Variants in LRRC9 observed in about 807,000 individuals in gnomAD.
LRRC9 encodes leucine rich repeat containing 9.
LRRC9 carries 122 observed loss-of-function variants against 63.2 expected under a neutral mutation model. That is an observed-to-expected ratio of 1.93 (90% CI 1.67 to 2.24). The LOEUF is 2.24. LRRC9 is among the 30% of genes most tolerant of loss of function. The pLI is 0.00. For missense variants in LRRC9, 1,071 were observed against 627.7 expected, an observed-to-expected ratio of 1.71 and a Z score of -7.55; for synonymous variants, 366 against 213.1, an observed-to-expected ratio of 1.72 and a Z score of -6.25.
Position 60,017,538 on chromosome 14 carries a change from A to G in LRRC9, c.3317+748A>G, listed in dbSNP as rs1890789505. Among the ~76,000 whole-genome samples, 1 of 152,122 alleles carries G rather than the reference A, an allele frequency of 6.6e-6. No homozygotes were observed. The highest frequency in any genetic ancestry group is 2.1e-4 in the South Asian group (1 of 4,828). ...ATGATAGAGATGCTAACTCTATCACAGCAATTCTCCTCTTTATTTTTATTT... is the reference window on the plus strand; with the variant it reads ...ATGATAGAGATGCTAACTCTATCACGGCAATTCTCCTCTTTATTTTTATTT... On this transcript the variant is annotated intron_variant, in intron 24 of 31. Transcript: ENST00000445360. This position sits in a 1 kb window ranked among gnomAD's most constrained non-coding sequence, Gnocchi z 4.0.
intron 29 of LRRC9, among the ~76,000 whole-genome samples, chr14:60,036,036 T>A (rs1484592401): frequency 6.6e-6 from 1 of 152,106 alleles, no homozygotes; most frequent in Non-Finnish European, 1.5e-5. Context: ...TTGCAGATAG[T>A]TGTCTTACTG....
chr14:60,039,713 G>T (rs542881733), intron 29 of LRRC9, among the ~76,000 whole-genome samples: 23 of 151,994 alleles, frequency 1.5e-4, no homozygotes, highest in Non-Finnish European at 2.9e-4. Context: ...TGAAAAAACA[G>T]CTCCTGGATT....
intron 22 of LRRC9, 59 bp from the exon 23 acceptor site, chr14:60,008,033 C>A: frequency 1.9e-6 from 1 of 515,128 alleles, no homozygotes; most frequent in Non-Finnish European, 3.4e-6. Context: ...GGATGGCTAA[C>A]CTCTTACTAG....
chr14:59,952,467 G>A (rs1014626677), intron 8 of LRRC9, among the ~76,000 whole-genome samples: 7 of 152,164 alleles, frequency 4.6e-5, no homozygotes, highest in African/African-American at 1.4e-4. Flanking sequence ...CTTCTGCGTC[G>A]CTCACGCTGG....
chr14:59,973,552 A>G (rs1262551451), intron 12 of LRRC9: 1 of 152,124 alleles, frequency 6.6e-6, no homozygotes, highest in Non-Finnish European at 1.5e-5. Context: ...ATGGTGCAGT[A>G]TTTGCATATA....
At chr14:59,985,154 AGTTAACAGGACTTCG>A (rs1253305502) in exon 17 of LRRC9, 1 of 693,522 alleles carries the variant, frequency 1.4e-6, no homozygotes, top group African/African-American at 1.7e-5. Flanking sequence ...GATCTCTCCA[AGTTAACAGGACTTCG>A]AAAACTAAAC....
chr14:60,062,608 G>A (rs972124549), intron 31 of LRRC9, among the ~76,000 whole-genome samples: 6 of 152,276 alleles, frequency 3.9e-5, no homozygotes, highest in Middle Eastern at 3.4e-3. Flanking sequence ...AAATTCTTCC[G>A]AATTTTCTTT....
At chr14:59,988,595 A>G (rs1253206890) in intron 17 of LRRC9, among the ~76,000 whole-genome samples, 1 of 152,158 alleles carries the variant, frequency 6.6e-6, no homozygotes, top group Non-Finnish European at 1.5e-5. Flanking sequence ...ACTATTATCA[A>G]TATCATTTAC....
chr14:60,002,217 G>A (rs895754375), intron 20 of LRRC9, 117 bp downstream of exon 20: 2 of 491,706 alleles, frequency 4.1e-6, no homozygotes, highest in East Asian at 3.2e-5. Flanking sequence ...AAAGCTGGAA[G>A]AGATTAATTA....
At chr14:60,032,839 G>C (rs966810755) in intron 29 of LRRC9, among the ~76,000 whole-genome samples, 2 of 152,078 alleles carry the variant, frequency 1.3e-5, no homozygotes, top group Admixed American at 6.6e-5. Flanking sequence ...CAAGAAGGGA[G>C]TTAAATCACT....
chr14:60,030,587 A>G (rs78506712), intron 28 of LRRC9, among the ~76,000 whole-genome samples: 3,608 of 152,160 alleles, frequency 0.024, 52 homozygotes, highest in Middle Eastern at 0.048. Flanking sequence ...GCCCCAATCC[A>G]GGCACAATTA....
Position 59,966,829 on chromosome 14 carries a change from A to G in LRRC9, c.1388+64A>G. 1.8e-6 allele frequency: 1 copy of G among 551,998 alleles called. No individual in the cohort carries two copies. The highest frequency in any genetic ancestry group is 2.8e-5 in the East Asian group (1 of 35,976). The allele number at this position is 551,998 out of a possible 1,614,324, so 34.2% of individuals were successfully genotyped here. A position where few individuals can be genotyped will look rare whatever the true frequency, so the allele number is the denominator to read the frequency against. On this transcript the variant is annotated intron_variant, in intron 11 of 31. Coordinates refer to ENST00000445360, the Ensembl canonical transcript of LRRC9. This position sits in a 1 kb window ranked among gnomAD's most constrained non-coding sequence, Gnocchi z 4.0. The stretch of plus-strand genomic sequence containing the variant: ...GTGTGACTGTATTTGTAAAATTTCT[A>G]TTTTAAAAGTTTACAGCATTAAAAA...
At chr14:60,065,412 C>T (rs1487365167), downstream of LRRC9, among the ~76,000 whole-genome samples, 1 of 151,158 alleles carries the variant, frequency 6.6e-6, no homozygotes, top group Non-Finnish European at 1.5e-5. Flanking sequence ...CTTTAGGCGG[C>T]CAAGGTGGGC....
intron 8 of LRRC9, among the ~76,000 whole-genome samples, chr14:59,957,240 C>G (rs1157285561): frequency 1.3e-5 from 2 of 152,128 alleles, no homozygotes; most frequent in African/African-American, 4.8e-5. Flanking sequence ...TGGTTGCATT[C>G]TCCCCATCAC....
intron 10 of LRRC9, among the ~76,000 whole-genome samples, chr14:59,963,611 A>T (rs1217251977): frequency 6.6e-6 from 1 of 152,184 alleles, no homozygotes; most frequent in Admixed American, 6.5e-5. Context: ...TATAAGACAT[A>T]ACATCTAGCA....
intron 22 of LRRC9, among the ~76,000 whole-genome samples, chr14:60,007,383 CTT>C (rs1889898494): frequency 6.6e-6 from 1 of 152,116 alleles, no homozygotes; most frequent in Non-Finnish European, 1.5e-5. Flanking sequence ...TTTACTCCCT[CTT>C]GTTTTCACCT....
At chr14:59,946,905 A>G (rs1594843963) in intron 8 of LRRC9, among the ~76,000 whole-genome samples, 2 of 127,150 alleles carry the variant, frequency 1.6e-5, no homozygotes, top group African/African-American at 3.0e-5. Context: ...CCAGTCTATC[A>G]TTGTTGGACA....
At chr14:60,009,806 G>C (rs555099833) in intron 23 of LRRC9, among the ~76,000 whole-genome samples, 181 of 152,310 alleles carry the variant, frequency 1.2e-3, no homozygotes, top group African/African-American at 4.3e-3. Context: ...CATTCCAAAT[G>C]GGAGAAATGG....
At chr14:59,992,755 A>G (rs1021986697) in intron 17 of LRRC9, among the ~76,000 whole-genome samples, 1 of 152,208 alleles carries the variant, frequency 6.6e-6, no homozygotes, top group Non-Finnish European at 1.5e-5. Context: ...AGAAGTTTAG[A>G]GAAAAAAGAA....
Sources: allele counts gnomAD v4.1 joint callset (sites outside exome capture counted in the v4.1 genomes callset), GRCh38; gene constraint gnomAD v4.1.1; non-coding constraint Gnocchi (gnomAD v3.1); transcripts MANE v1.5; gene names NCBI Gene and HGNC (gene_info 2026-07-23, HGNC 2026-07-21).